MARCHF1: variants seen among roughly 807,000 people sequenced by gnomAD.
MARCHF1 encodes the protein membrane associated ring-CH-type finger 1, also known as E3 ubiquitin-protein ligase MARCHF1.
In MARCHF1, 40 loss-of-function variants were observed where a neutral mutation model predicts 54.2. The ratio of observed to expected loss-of-function variants is 0.74; its 90% confidence interval spans 0.57 to 0.96. The LOEUF is 0.96. MARCHF1 is among the 40% of genes least tolerant of loss of function. The probability of loss-of-function intolerance (pLI) is 0.00; values close to 1 mark genes in which losing one functional copy is unlikely to be tolerated. For missense variants in MARCHF1, 586 were observed against 656.5 expected, an observed-to-expected ratio of 0.89 and a Z score of 1.17; for synonymous variants, 236 against 236.3, an observed-to-expected ratio of 1.00 and a Z score of 0.01.
At chr4:163,541,714 G>T (rs1270613852) in intron 9 of MARCHF1, among the ~76,000 whole-genome samples, 1 of 151,980 alleles carries the variant, frequency 6.6e-6, no homozygotes, top group African/African-American at 2.4e-5. Context: ...GGACAAATTT[G>T]TTTCTTTTAA....
chr4:163,846,526 G>A (rs1391813081), intron 4 of MARCHF1, among the ~76,000 whole-genome samples: 3 of 151,922 alleles, frequency 2.0e-5, no homozygotes, highest in Admixed American at 6.6e-5. Context: ...AATATTAACT[G>A]GTAAATTTGG....
At chr4:164,287,318 G>A (rs944738480) in intron 1 of MARCHF1, among the ~76,000 whole-genome samples, 1 of 152,030 alleles carries the variant, frequency 6.6e-6, no homozygotes, top group Non-Finnish European at 1.5e-5. Flanking sequence ...GTCAAGGACT[G>A]CCTGTCATTG....
intron 8 of MARCHF1, among the ~76,000 whole-genome samples, chr4:163,571,490 C>T (rs1227737115): frequency 6.6e-6 from 1 of 152,108 alleles, no homozygotes; most frequent in African/African-American, 2.4e-5. Context: ...TCTTTCAGAC[C>T]TAGCTGCCTG....
At chr4:163,706,070 C>T (rs1457494394) in intron 4 of MARCHF1, among the ~76,000 whole-genome samples, 4 of 152,012 alleles carry the variant, frequency 2.6e-5, no homozygotes, top group African/African-American at 9.7e-5. Flanking sequence ...TGAATATACA[C>T]CTTCACAGTG....
intron 4 of MARCHF1, among the ~76,000 whole-genome samples, chr4:163,779,717 G>A (rs934024364): frequency 6.6e-6 from 1 of 152,084 alleles, no homozygotes; most frequent in Non-Finnish European, 1.5e-5. Flanking sequence ...GGAACAAAGT[G>A]GGAGATATTC....
At chr4:163,550,220 T>G (rs1254359868) in intron 8 of MARCHF1, among the ~76,000 whole-genome samples, 1 of 143,822 alleles carries the variant, frequency 7.0e-6, no homozygotes, top group Non-Finnish European at 1.5e-5. Flanking sequence ...AGGCAGAGAT[T>G]GCAGTGGGCC....
intron 1 of MARCHF1, among the ~76,000 whole-genome samples, chr4:164,382,681 T>C (rs1731403221): frequency 6.6e-6 from 1 of 152,164 alleles, no homozygotes; most frequent in Non-Finnish European, 1.5e-5. Flanking sequence ...CACCGCTTCC[T>C]TGTGATCTGA....
At chr4:163,636,107 A>G (rs1402770513) in intron 5 of MARCHF1, among the ~76,000 whole-genome samples, 1 of 152,184 alleles carries the variant, frequency 6.6e-6, no homozygotes, top group African/African-American at 2.4e-5. Context: ...AAACAATAAG[A>G]GCTATCTATG....
intron 3 of MARCHF1, among the ~76,000 whole-genome samples, chr4:163,929,919 A>T (rs1292858278): frequency 9.4e-6 from 1 of 106,292 alleles, no homozygotes; most frequent in Non-Finnish European, 1.8e-5. Context: ...AATATATATA[A>T]TATATATAAT....
In MARCHF1 at chr4:164,269,195, C is replaced by T. The variant is rs371044822; in HGVS notation, c.-323+114675G>A. Among the ~76,000 whole-genome samples the T allele has an allele frequency of 2.6e-4, 40 of 152,204 alleles. No individual in the cohort carries two copies. In the East Asian group the frequency reaches 4.1e-3, roughly 15 times the overall value. On this transcript the variant is annotated intron_variant, in intron 1 of 9. Coordinates refer to ENST00000514618, the MANE Select transcript of MARCHF1 (RefSeq NM_001394959.1). ...AAAGGGGATCTTGGGTGTGTGTCCA[C>T]GATAAGCACTATCACAAGGACTTTC...
intron 1 of MARCHF1, chr4:164,190,102 G>T: frequency 7.0e-7 from 1 of 1,434,658 alleles, no homozygotes; most frequent in Non-Finnish European, 9.7e-7. Flanking sequence ...AATCAGATTG[G>T]AGATAAAGAA....
At position 164,228,796 on chromosome 4, in the gene MARCHF1, A is replaced by G. The variant is rs115462145; in HGVS notation, c.-322-117134T>C. On this transcript the variant is annotated intron_variant, in intron 1 of 9. Transcript: ENST00000514618. ...ATTGGCTTTCTCGATAAGAGAAAAC[A>G]AACAAATGTTTCTAGGACCAGTGGA... 3.4e-3 allele frequency among the ~76,000 whole-genome samples: 516 copies of G among 152,338 alleles called. 4 individuals carry two copies. Among genetic ancestry groups the G allele is most frequent in the African/African-American group, 0.012 (499 of 41,586 alleles).
intron 1 of MARCHF1, among the ~76,000 whole-genome samples, chr4:164,191,833 T>G (rs966383366): frequency 2.0e-5 from 3 of 152,156 alleles, no homozygotes; most frequent in Non-Finnish European, 4.4e-5. Context: ...CATCCTATAT[T>G]TTTACTCAAA....
chr4:163,771,253 G>C (rs1461454066), intron 4 of MARCHF1, among the ~76,000 whole-genome samples: 1 of 152,192 alleles, frequency 6.6e-6, no homozygotes, highest in African/African-American at 2.4e-5. Context: ...GTTATTAACA[G>C]TCTACGATGT....
rs550428559 is a variant in MARCHF1 at position 163,669,422 on chromosome 4, A to G, written c.162+31391T>C. ...TCTGCAGGTGACGTGAAGCACCACT[A>G]CTTCCTGCTAACACTTAATCCTTGG... On this transcript the variant is annotated intron_variant, in intron 5 of 9. Coordinates refer to ENST00000514618, the MANE Select transcript of MARCHF1 (RefSeq NM_001394959.1). 3.5e-4 allele frequency among the ~76,000 whole-genome samples: 53 copies of G among 152,214 alleles called. No individual in the cohort carries two copies. The Middle Eastern group carries it at 0.014, about 39-fold the overall frequency.
intron 2 of MARCHF1, among the ~76,000 whole-genome samples, chr4:164,095,436 A>C (rs940333983): frequency 1.3e-5 from 2 of 151,754 alleles, no homozygotes; most frequent in African/African-American, 4.8e-5. Flanking sequence ...ACACACACAC[A>C]CCAACCTTAG....
intron 3 of MARCHF1, among the ~76,000 whole-genome samples, chr4:163,963,116 A>G (rs868476494): frequency 1.5e-4 from 23 of 151,958 alleles, no homozygotes; most frequent in African/African-American, 5.3e-4. Context: ...CCAAAAATCC[A>G]CTAAAATAAA....
At chr4:164,335,267 T>C (rs1276426046) in intron 1 of MARCHF1, among the ~76,000 whole-genome samples, 1 of 152,132 alleles carries the variant, frequency 6.6e-6, no homozygotes, top group African/African-American at 2.4e-5. Flanking sequence ...AGTCAATTTA[T>C]GAGAAAAAAA....
chr4:163,876,160 C>T (rs1750282521), intron 3 of MARCHF1, among the ~76,000 whole-genome samples: 1 of 152,090 alleles, frequency 6.6e-6, no homozygotes, highest in African/African-American at 2.4e-5. Context: ...GTAGCCTTAA[C>T]CGTGTCACCA....
Sources: allele counts gnomAD v4.1 joint callset (sites outside exome capture counted in the v4.1 genomes callset), GRCh38; gene constraint gnomAD v4.1.1; transcripts MANE v1.5; gene names NCBI Gene and HGNC (gene_info 2026-07-23, HGNC 2026-07-21).